MYO1H: variants seen among roughly 807,000 people sequenced by gnomAD.
MYO1H encodes unconventional myosin-Ih.
MYO1H carries 118 observed loss-of-function variants against 149.3 expected under a neutral mutation model. That is an observed-to-expected ratio of 0.79 (90% CI 0.68 to 0.92). The LOEUF (loss-of-function observed/expected upper bound fraction) is 0.92. Ranked by LOEUF, MYO1H falls within the 40% of genes least tolerant of loss-of-function variation. The pLI, the probability that MYO1H is intolerant of heterozygous loss-of-function variation, is 0.00. For missense variants in MYO1H, 1,212 were observed against 1,280.7 expected, an observed-to-expected ratio of 0.95 and a Z score of 0.82; for synonymous variants, 447 against 465.2, an observed-to-expected ratio of 0.96 and a Z score of 0.50.
chr12:109,445,260 C>G, intron 30 of MYO1H: 1 of 385,746 alleles, frequency 2.6e-6, no homozygotes. Flanking sequence ...GGAAGTAGTT[C>G]CATAGACATC....
At chr12:109,406,975 G>A in intron 9 of MYO1H, 115 bp downstream of exon 9, 1 of 857,580 alleles carries the variant, frequency 1.2e-6, no homozygotes, top group Non-Finnish European at 1.9e-6. Context: ...AGCTCACCAG[G>A]CCCTGCGTGG....
chr12:109,413,282 C>G (rs1460056202), intron 14 of MYO1H, among the ~76,000 whole-genome samples: 1 of 151,990 alleles, frequency 6.6e-6, no homozygotes, highest in Non-Finnish European at 1.5e-5. Flanking sequence ...GCCCCAAGAC[C>G]AAATGAATGC....
chr12:109,436,403 C>T lies in MYO1H; in HGVS notation c.2141-85C>T, dbSNP rs372456901. ...ACAGGACTTTGATGCCCCCTTCCAT[C>T]GGCCCCCAAACACCCCTGGAGATCA... On this transcript the variant is annotated intron_variant, in intron 21 of 31. Transcript: ENST00000310903. The T allele has an allele frequency of 1.9e-5, 17 of 907,106 alleles. 1 individual carries two copies. The highest frequency in any genetic ancestry group is 2.6e-5 in the East Asian group (1 of 37,888). The allele number at this position is 907,106 out of a possible 1,614,324, so 56.2% of individuals were successfully genotyped here. A position where few individuals can be genotyped will look rare whatever the true frequency, so the allele number is the denominator to read the frequency against.
At chr12:109,396,813 C>CTTTTT (rs1869929395) in intron 4 of MYO1H, among the ~76,000 whole-genome samples, 1 of 54,480 alleles carries the variant, frequency 1.8e-5, no homozygotes, top group African/African-American at 5.8e-5. Context: ...GTTTTGGTTT[C>CTTTTT]GTTTTTTTTT....
chr12:109,323,631 C>T, the MYO1H span, among the ~76,000 whole-genome samples: 1 of 152,232 alleles, frequency 6.6e-6, no homozygotes. Flanking sequence ...ACTGATGCTG[C>T]TGGCCCCAGA....
the MYO1H span, among the ~76,000 whole-genome samples, chr12:109,318,967 G>GTTTTTTTTTTTTTTTTT: frequency 1.1e-3 from 84 of 79,612 alleles, 2 homozygotes; most frequent in African/African-American, 1.7e-3. Context: ...TGCGTTTTTG[G>GTTTTTTTTTTTTTTTTT]TTTTGTTTTT....
chr12:109,409,980 T>C, exon 12 of MYO1H: 7 of 1,535,842 alleles, frequency 4.6e-6, no homozygotes, highest in Non-Finnish European at 5.3e-6. Flanking sequence ...CAGTTCTGTA[T>C]AAATTACTGC....
intron 22 of MYO1H, 80 bp downstream of exon 22, chr12:109,436,636 C>A: frequency 1.1e-6 from 1 of 936,054 alleles, no homozygotes; most frequent in Non-Finnish European, 1.7e-6. Context: ...TGAGTTCTCT[C>A]CCCCTGCTCA....
chr12:109,407,034 C>T (rs1398690982), intron 9 of MYO1H, among the ~76,000 whole-genome samples, 174 bp downstream of exon 9: 2 of 152,148 alleles, frequency 1.3e-5, no homozygotes, highest in Non-Finnish European at 2.9e-5. Flanking sequence ...TCACCATCAC[C>T]ACCACCACAC....
At chr12:109,427,681 G>A in intron 19 of MYO1H, 95 bp downstream of exon 19, 1 of 859,756 alleles carries the variant, frequency 1.2e-6, no homozygotes, top group South Asian at 1.4e-5. Context: ...CATCCCTTAG[G>A]AAGGCTCAGT....
the MYO1H span, among the ~76,000 whole-genome samples, chr12:109,319,285 G>T: frequency 3.9e-5 from 6 of 152,100 alleles, no homozygotes; most frequent in African/African-American, 1.2e-4. Flanking sequence ...GAGCATGGAT[G>T]AACTTTGAAG....
chr12:109,342,054 ATTTAT>A, the MYO1H span, among the ~76,000 whole-genome samples: 2 of 149,876 alleles, frequency 1.3e-5, no homozygotes, highest in Admixed American at 1.3e-4. Context: ...GCATTTAAAT[ATTTAT>A]TTCATTTCTT....
chr12:109,317,645 C>T, the MYO1H span, among the ~76,000 whole-genome samples: 1 of 152,142 alleles, frequency 6.6e-6, no homozygotes, highest in African/African-American at 2.4e-5. Flanking sequence ...CAATGTTGCA[C>T]CTGAATGTCT....
At chr12:109,420,440 T>TG (rs1352756320) in intron 15 of MYO1H, among the ~76,000 whole-genome samples, 1 of 152,150 alleles carries the variant, frequency 6.6e-6, no homozygotes, top group Non-Finnish European at 1.5e-5. Context: ...GAAGCATGGC[T>TG]GGGGTGGCCT....
At chr12:109,361,724 A>T (rs1868751931) in intron 1 of MYO1H, among the ~76,000 whole-genome samples, 2 of 149,268 alleles carry the variant, frequency 1.3e-5, no homozygotes. Flanking sequence ...CAGGAGGATC[A>T]CTTGAGCTCA....
At chr12:109,371,339 C>A (rs1191614853) in intron 1 of MYO1H, among the ~76,000 whole-genome samples, 2 of 151,546 alleles carry the variant, frequency 1.3e-5, no homozygotes, top group Non-Finnish European at 2.9e-5. Flanking sequence ...ACCTTGGCCT[C>A]CTAAGTAGCT....
chr12:109,376,112 A>G (rs986305936), intron 1 of MYO1H, among the ~76,000 whole-genome samples: 1 of 151,372 alleles, frequency 6.6e-6, no homozygotes, highest in Non-Finnish European at 1.5e-5. Flanking sequence ...TCTTACTGAA[A>G]TACAATTCAT....
At chr12:109,404,139 T>C in intron 7 of MYO1H, 59 bp downstream of exon 7, 1 of 1,319,568 alleles carries the variant, frequency 7.6e-7, no homozygotes, top group Non-Finnish European at 1.1e-6. Flanking sequence ...ACATTCCTAA[T>C]TTCTTGGTGT....
At chr12:109,322,258 C>G in the MYO1H span, among the ~76,000 whole-genome samples, 1 of 152,184 alleles carries the variant, frequency 6.6e-6, no homozygotes, top group East Asian at 1.9e-4. Context: ...GGTTGCCTCT[C>G]CTAGCTCCAA....
Sources: gnomAD v4.1 joint callset for allele counts (sites outside exome capture counted in the v4.1 genomes callset) on GRCh38, gnomAD v4.1.1 for gene constraint, MANE v1.5 for transcripts, NCBI Gene and HGNC (gene_info 2026-07-23, HGNC 2026-07-21) for gene names.